EEF1E1: variants seen among roughly 807,000 people sequenced by gnomAD.
The protein encoded by EEF1E1 is eukaryotic translation elongation factor 1 epsilon 1.
A neutral mutation model predicts 19.9 loss-of-function variants in EEF1E1; 19 were observed. The ratio of observed to expected loss-of-function variants is 0.95; its 90% confidence interval spans 0.66 to 1.40. The LOEUF (loss-of-function observed/expected upper bound fraction) is 1.40. Ranked by LOEUF, EEF1E1 falls within the 40% of genes most tolerant of loss-of-function variation. The pLI, the probability that EEF1E1 is intolerant of heterozygous loss-of-function variation, is 0.00. For missense variants in EEF1E1, 198 were observed against 202.2 expected (o/e 0.98, Z 0.13); for synonymous variants, 81 against 80.0 (o/e 1.01, Z -0.07).
intron 2 of EEF1E1, among the ~76,000 whole-genome samples, chr6:8,093,043 T>C (rs1266377922): frequency 1.3e-5 from 2 of 152,024 alleles, no homozygotes; most frequent in East Asian, 1.9e-4. Context: ...GGCTAATTTT[T>C]TGTATTTTTA....
intron 2 of EEF1E1, among the ~76,000 whole-genome samples, chr6:8,093,324 C>CTTTTTTTT (rs57000456): frequency 7.4e-6 from 1 of 135,052 alleles, no homozygotes; most frequent in African/African-American, 2.7e-5. Context: ...CATTCGCTTC[C>CTTTTTTTT]TTTTTTTTTT....
At chr6:8,101,642 A>C (rs1473311037) in intron 1 of EEF1E1, 6 of 800,466 alleles carry the variant, frequency 7.5e-6, no homozygotes, top group Non-Finnish European at 9.9e-6. Context: ...TCAAAGGAGC[A>C]AAAAAAACAT....
chr6:8,099,780 ACACACACAC>A (rs1236781964), intron 1 of EEF1E1, among the ~76,000 whole-genome samples: 74 of 124,882 alleles, frequency 5.9e-4, no homozygotes, highest in African/African-American at 7.3e-4. Context: ...ACACACACAC[ACACACACAC>A]ACAAAAAAAA....
intron 3 of EEF1E1, among the ~76,000 whole-genome samples, chr6:8,073,912 C>T: frequency 6.6e-6 from 1 of 152,236 alleles, no homozygotes; most frequent in East Asian, 1.9e-4. Context: ...CTTCTTTTCT[C>T]ATTGACAGAG....
At chr6:8,096,297 G>T (rs1294236879) in intron 2 of EEF1E1, among the ~76,000 whole-genome samples, 2 of 152,180 alleles carry the variant, frequency 1.3e-5, no homozygotes, top group African/African-American at 4.8e-5. Context: ...ACATTCACTT[G>T]GAGGGAGGAT....
chr6:8,100,542 A>G (rs1270834809), intron 1 of EEF1E1, among the ~76,000 whole-genome samples: 1 of 152,172 alleles, frequency 6.6e-6, no homozygotes, highest in African/African-American at 2.4e-5. Flanking sequence ...TTCCATGTCC[A>G]GCTATCACCG....
intron 3 of EEF1E1, among the ~76,000 whole-genome samples, chr6:8,083,386 A>G (rs1757769337): frequency 1.3e-5 from 2 of 152,218 alleles, no homozygotes; most frequent in South Asian, 4.1e-4. Context: ...CTTCAGAACA[A>G]AAGTATTTCA....
At chr6:8,086,869 C>T (rs186911043) in intron 3 of EEF1E1, among the ~76,000 whole-genome samples, 37 of 152,198 alleles carry the variant, frequency 2.4e-4, no homozygotes, top group Non-Finnish European at 3.7e-4. Flanking sequence ...AAATATGTGT[C>T]GCTACAATCA....
intron 2 of EEF1E1, chr6:8,095,526 A>G (rs1758147524): frequency 5.1e-6 from 1 of 195,400 alleles, no homozygotes; most frequent in Non-Finnish European, 1.1e-5. Flanking sequence ...GAAACAAAAC[A>G]AAACAAAACC....
At chr6:8,088,714 T>C in intron 3 of EEF1E1, among the ~76,000 whole-genome samples, 1 of 152,122 alleles carries the variant, frequency 6.6e-6, no homozygotes, top group Non-Finnish European at 1.5e-5. Context: ...AATGGACTAA[T>C]ACAAATGGTT....
intron 1 of EEF1E1, 124 bp downstream of exon 1, chr6:8,102,311 G>T (rs889800072): frequency 8.7e-5 from 92 of 1,056,558 alleles, no homozygotes; most frequent in Non-Finnish European, 1.1e-4. Context: ...GCGCAGACAC[G>T]TGGGGAGCTG....
At chr6:8,074,713 T>G (rs768797294), downstream of EEF1E1, among the ~76,000 whole-genome samples, 1 of 152,228 alleles carries the variant, frequency 6.6e-6, no homozygotes, top group Non-Finnish European at 1.5e-5. Flanking sequence ...TTGATCTGGA[T>G]GCTGAGAATA....
chr6:8,102,097 A>G, intron 1 of EEF1E1: 1 of 1,242,516 alleles, frequency 8.0e-7, no homozygotes, highest in Non-Finnish European at 1.0e-6. Flanking sequence ...GGAAAAAAAA[A>G]AAAGCCAGTT....
chr6:8,097,058 T>C (rs1290203985), intron 2 of EEF1E1, among the ~76,000 whole-genome samples: 4 of 152,156 alleles, frequency 2.6e-5, no homozygotes, highest in African/African-American at 4.8e-5. Context: ...GAGAGAGAAG[T>C]AGTCAAGGAA....
At chr6:8,086,343 C>T (rs567550225) in intron 3 of EEF1E1, among the ~76,000 whole-genome samples, 2 of 152,192 alleles carry the variant, frequency 1.3e-5, no homozygotes, top group Non-Finnish European at 2.9e-5. Flanking sequence ...TCAACCTCAA[C>T]TGAAAACCCA....
chr6:8,077,437 T>C (rs1264478426), downstream of EEF1E1, among the ~76,000 whole-genome samples: 1 of 152,350 alleles, frequency 6.6e-6, no homozygotes, highest in South Asian at 2.1e-4. Flanking sequence ...AATAGGCTGT[T>C]TCATATACAC....
rs528115437 is a variant in EEF1E1 at position 8,102,028 on chromosome 6, G to A, written c.87+407C>T. 7.9e-5 allele frequency: 94 copies of A among 1,189,858 alleles called. No individual in the cohort carries two copies. In the African/African-American group the frequency reaches 1.3e-3, roughly 17 times the overall value. 73.7% of individuals were successfully genotyped at this position (1,189,858 alleles called of 1,614,324 possible). A position where few individuals can be genotyped will look rare whatever the true frequency, so the allele number is the denominator to read the frequency against. ...CCCAGACCCAGCACGGTGCTACCTG[G>A]CACCCTGTTAGCTATAACGGAGTCG... On this transcript the variant is annotated intron_variant, in intron 1 of 3. Coordinates refer to ENST00000379715, the MANE Select transcript of EEF1E1 (RefSeq NM_004280.5).
chr6:8,085,118 A>G (rs1264505978), intron 3 of EEF1E1, among the ~76,000 whole-genome samples: 1 of 152,166 alleles, frequency 6.6e-6, no homozygotes, highest in Non-Finnish European at 1.5e-5. Flanking sequence ...TGAAATAGGA[A>G]CTATAAATAG....
At chr6:8,082,492 TG>T (rs1349851085) in intron 3 of EEF1E1, among the ~76,000 whole-genome samples, 4 of 152,206 alleles carry the variant, frequency 2.6e-5, no homozygotes, top group African/African-American at 9.6e-5. Context: ...TTGGCCAGGC[TG>T]GTCTCGAACT....
Sources: allele counts gnomAD v4.1 joint callset (sites outside exome capture counted in the v4.1 genomes callset), GRCh38; gene constraint gnomAD v4.1.1; transcripts MANE v1.5; gene names NCBI Gene and HGNC (gene_info 2026-07-23, HGNC 2026-07-21).